The following MACIR variants were observed in gnomAD, a reference collection of about 807,000 sequenced individuals.
MACIR encodes the protein macrophage immunometabolism regulator.
A neutral mutation model predicts 14.3 loss-of-function variants in MACIR; 4 were observed. The observed-to-expected ratio is 0.28, with a 90% CI of 0.14 to 0.64. The LOEUF (loss-of-function observed/expected upper bound fraction) is 0.64. Ranked by LOEUF, MACIR falls within the 30% of genes least tolerant of loss-of-function variation. The pLI is 0.83. For synonymous variants in MACIR, 101 were observed against 102.4 expected (o/e 0.99, Z 0.08); for missense variants, 228 against 257.6 (o/e 0.89, Z 0.79).
Position 103,277,353 on chromosome 5 carries a change from C to T in MACIR, c.*813C>T, listed in dbSNP as rs1345215190. Reference sequence around the variant, plus strand: ...AGTGCTTATTTTCTAACTTAAAATTCACCTGGAACTTTAAATGGGAAAGGA... The same window carrying T: ...AGTGCTTATTTTCTAACTTAAAATTTACCTGGAACTTTAAATGGGAAAGGA... On this transcript the variant is annotated 3_prime_UTR_variant, in exon 3 of 3. Transcript: ENST00000319933. The T allele has an allele frequency of 6.0e-6, 1 of 166,988 alleles. No homozygotes were observed. Among genetic ancestry groups the T allele is most frequent in the Non-Finnish European group, 1.5e-5 (1 of 68,076 alleles). The allele number at this position is 166,988 out of a possible 1,614,324, so 10.3% of individuals were successfully genotyped here. A position where few individuals can be genotyped will look rare whatever the true frequency, so the allele number is the denominator to read the frequency against.
At chr5:103,258,639 C>G (rs1554235852), upstream of MACIR, 2 of 153,008 alleles carry the variant, frequency 1.3e-5, no homozygotes, top group East Asian at 3.9e-4. Flanking sequence ...TCAGCGCTGA[C>G]GGGCTGCGCC....
intron 2 of MACIR, among the ~76,000 whole-genome samples, chr5:103,273,792 G>T (rs558787351): frequency 6.6e-6 from 1 of 152,298 alleles, no homozygotes; most frequent in African/African-American, 2.4e-5. Context: ...AATGTGTGGG[G>T]TCTGAAGTCA....
At chr5:103,261,678 CT>C (rs781839252) in intron 1 of MACIR, among the ~76,000 whole-genome samples, 4 of 125,220 alleles carry the variant, frequency 3.2e-5, no homozygotes, top group Non-Finnish European at 6.8e-5. Flanking sequence ...TTCTTTCTTT[CT>C]TTCTTTCTTT....
At position 103,277,150 on chromosome 5, in the gene MACIR, C is replaced by T. The variant is rs1554237856; in HGVS notation, c.*610C>T. On this transcript the variant is annotated 3_prime_UTR_variant, in exon 3 of 3. Transcript: ENST00000319933. Reference sequence around the variant, plus strand: ...TATTGAGCAATGAATTTTTTATTTCCGCATGGAAAGTTATTGATCTCTATG... The same window carrying T: ...TATTGAGCAATGAATTTTTTATTTCTGCATGGAAAGTTATTGATCTCTATG... 6.0e-6 allele frequency: 1 copy of T among 166,806 alleles called. No homozygotes were observed. The highest frequency in any genetic ancestry group is 1.5e-5 in the Non-Finnish European group (1 of 68,066). 10.3% of individuals were successfully genotyped at this position (166,806 alleles called of 1,614,324 possible). A position where few individuals can be genotyped will look rare whatever the true frequency, so the allele number is the denominator to read the frequency against.
intron 2 of MACIR, among the ~76,000 whole-genome samples, chr5:103,273,595 C>G (rs948057045): frequency 1.1e-4 from 17 of 152,226 alleles, no homozygotes; most frequent in Middle Eastern, 6.8e-3. Context: ...GACAGTTTAC[C>G]TTGATGCAGC....
chr5:103,276,773 G>A lies in MACIR; in HGVS notation c.*233G>A, dbSNP rs188060399. On this transcript the variant is annotated 3_prime_UTR_variant, in exon 3 of 3. Coordinates refer to ENST00000319933, the MANE Select transcript of MACIR (RefSeq NM_033211.4). ...CTGCAAAGAAAACAGAATGTTGACTGTTAGTTTGTATAGCTTTTTAGCTAG... is the reference window on the plus strand; with the variant it reads ...CTGCAAAGAAAACAGAATGTTGACTATTAGTTTGTATAGCTTTTTAGCTAG... 3.7e-4 allele frequency: 146 copies of A among 397,518 alleles called. No individual in the cohort carries two copies. Among genetic ancestry groups the A allele is most frequent in the Middle Eastern group, 2.6e-3 (4 of 1,524 alleles). 24.6% of individuals were successfully genotyped at this position (397,518 alleles called of 1,614,324 possible). A position where few individuals can be genotyped will look rare whatever the true frequency, so the allele number is the denominator to read the frequency against.
At chr5:103,260,136 G>T (rs28157) in intron 1 of MACIR, among the ~76,000 whole-genome samples, 36,026 of 151,596 alleles carry the variant, frequency 0.24, 4,883 homozygotes, top group Non-Finnish European at 0.31. Context: ...TGAGCAGGAA[G>T]AATGGAGGCA....
Position 103,276,379 on chromosome 5 carries a change from C to A in MACIR, c.460C>A (p.Pro154Thr). The change falls in exon 3 of 3, where the codon CCT becomes ACT. Residue 154 changes from proline to threonine, a missense_variant. Coordinates refer to ENST00000319933, the MANE Select transcript of MACIR (RefSeq NM_033211.4). ...EPYKALHGPLPLCLLKGKRAH... is the reference protein window; with the variant it reads ...EPYKALHGPLTLCLLKGKRAH... ...TTACAAGGCCCTCCATGGGCCTCTG[C>A]CTCTTTGTCTTCTTAAAGGTAAGAG... 1 of 1,613,766 alleles carries A rather than the reference C, an allele frequency of 6.2e-7. No homozygotes were observed.
upstream of MACIR, chr5:103,258,569 C>G (rs1580555863): frequency 6.6e-6 from 1 of 152,448 alleles, no homozygotes; most frequent in East Asian, 1.9e-4. Flanking sequence ...TAGCGCCTTT[C>G]TGCAGCCAGC....
chr5:103,262,400 A>G (rs1294474170), intron 1 of MACIR, among the ~76,000 whole-genome samples: 1 of 152,196 alleles, frequency 6.6e-6, no homozygotes, highest in Admixed American at 6.5e-5. Context: ...TTTGAGTAGG[A>G]TAACAAATGA....
intron 2 of MACIR, among the ~76,000 whole-genome samples, chr5:103,270,983 T>C (rs1580578076): frequency 6.6e-6 from 1 of 152,178 alleles, no homozygotes; most frequent in South Asian, 2.1e-4. Flanking sequence ...AAAATAAAGG[T>C]GTTTTAAGAG....
chr5:103,262,047 T>A (rs62362907), intron 1 of MACIR, among the ~76,000 whole-genome samples: 193 of 152,298 alleles, frequency 1.3e-3, no homozygotes, highest in Non-Finnish European at 2.0e-3. Context: ...TTACGAATTT[T>A]GTATGGACAT....
At chr5:103,267,644 G>A (rs536210571) in intron 2 of MACIR, among the ~76,000 whole-genome samples, 61 of 152,110 alleles carry the variant, frequency 4.0e-4, no homozygotes, top group African/African-American at 1.4e-3. Context: ...AAAATTATAC[G>A]GTACAAAAAA....
At chr5:103,260,037 G>A (rs546998043) in intron 1 of MACIR, among the ~76,000 whole-genome samples, 1 of 145,444 alleles carries the variant, frequency 6.9e-6, no homozygotes, top group South Asian at 2.2e-4. Flanking sequence ...GATTTGGGTG[G>A]AACCAAGATT....
chr5:103,274,419 T>C (rs1207502054), intron 2 of MACIR, among the ~76,000 whole-genome samples: 1 of 151,376 alleles, frequency 6.6e-6, no homozygotes, highest in East Asian at 1.9e-4. Context: ...TTACTTTAAA[T>C]CTAAAAGGGT....
intron 1 of MACIR, among the ~76,000 whole-genome samples, chr5:103,261,702 C>CTTTCTTTCTTTCTT (rs1205786084): frequency 9.9e-6 from 1 of 100,690 alleles, no homozygotes; most frequent in African/African-American, 4.3e-5. Flanking sequence ...TTCTTTCTTT[C>CTTTCTTTCTTTCTT]TTCCTTTCTT....
chr5:103,259,111 T>TGGGCGGCG (rs1804562935), intron 1 of MACIR: 1 of 152,062 alleles, frequency 6.6e-6, no homozygotes, highest in Non-Finnish European at 1.5e-5. Context: ...GCTTCTGCGA[T>TGGGCGGCG]GGGCGGCGGG....
At chr5:103,275,678 G>A (rs1453279454) in intron 2 of MACIR, among the ~76,000 whole-genome samples, 3 of 152,158 alleles carry the variant, frequency 2.0e-5, no homozygotes, top group Non-Finnish European at 4.4e-5. Context: ...TAGTACATCA[G>A]ACTTTAATTT....
At chr5:103,273,200 G>C (rs1554237260) in intron 2 of MACIR, among the ~76,000 whole-genome samples, 1 of 152,174 alleles carries the variant, frequency 6.6e-6, no homozygotes, top group Non-Finnish European at 1.5e-5. Context: ...AAATATGGTA[G>C]ATTTCATACA....
Sources: gnomAD v4.1 joint callset for allele counts (sites outside exome capture counted in the v4.1 genomes callset) on GRCh38, gnomAD v4.1.1 for gene constraint, MANE v1.5 for transcripts, NCBI Gene and HGNC (gene_info 2026-07-23, HGNC 2026-07-21) for gene names.